The following TRPC4 variants were observed in gnomAD, a reference collection of about 807,000 sequenced individuals.
TRPC4 encodes the protein transient receptor potential cation channel subfamily C member 4.
Under a neutral mutation model 99.4 loss-of-function variants are expected in TRPC4, and 49 were observed. The ratio of observed to expected loss-of-function variants is 0.49; its 90% CI spans 0.39 to 0.63. The LOEUF is 0.63. Ranked by LOEUF, TRPC4 falls within the 20% of genes least tolerant of loss-of-function variation. TRPC4 has a pLI of 0.00. For synonymous variants in TRPC4, 454 were observed against 425.9 expected (o/e 1.07, Z -0.81); for missense variants, 898 against 1,152.9 (o/e 0.78, Z 3.20).
chr13:37,831,558 A>G (rs1958422175), intron 1 of TRPC4, among the ~76,000 whole-genome samples: 1 of 152,224 alleles, frequency 6.6e-6, no homozygotes, highest in Non-Finnish European at 1.5e-5. Flanking sequence ...TGAAATCAGT[A>G]TTTCAAGGAG....
chr13:37,722,036 C>A lies in TRPC4; in HGVS notation c.897+23901G>T, dbSNP rs190051643. On this transcript the variant is annotated intron_variant, in intron 3 of 10. Coordinates refer to ENST00000379705, the MANE Select transcript of TRPC4 (RefSeq NM_016179.4). The stretch of plus-strand genomic sequence containing the variant: ...ATTGTAGAAGATTATGGATTAACTT[C>A]TTTGATATAACAATTTCAGAAGGAG... Among the ~76,000 whole-genome samples, 278 of 152,224 alleles carry A rather than the reference C, an allele frequency of 1.8e-3. 2 individuals are homozygous for A. Among genetic ancestry groups the A allele is most frequent in the Non-Finnish European group, 2.8e-4 (19 of 68,012 alleles).
chr13:37,644,208 G>T (rs796953816), intron 8 of TRPC4, among the ~76,000 whole-genome samples: 1 of 151,890 alleles, frequency 6.6e-6, no homozygotes, highest in African/African-American at 2.4e-5. Context: ...CTTTTTTGTT[G>T]AGTAAAGATC....
chr13:37,844,097 G>A (rs538351358), intron 1 of TRPC4, among the ~76,000 whole-genome samples: 1 of 152,230 alleles, frequency 6.6e-6, no homozygotes, highest in Admixed American at 6.5e-5. Flanking sequence ...TCATCCCATG[G>A]GAAACATTGG....
chr13:37,801,596 C>T (rs1957402906), intron 1 of TRPC4, among the ~76,000 whole-genome samples: 1 of 151,986 alleles, frequency 6.6e-6, no homozygotes, highest in Non-Finnish European at 1.5e-5. Context: ...ATTAGTAATT[C>T]ATTCTGTCAT....
intron 2 of TRPC4, among the ~76,000 whole-genome samples, chr13:37,775,545 A>C (rs534383912): frequency 6.6e-6 from 1 of 151,688 alleles, no homozygotes; most frequent in South Asian, 2.1e-4. Flanking sequence ...TGATAAAGTC[A>C]AGGCTCAAAG....
rs565841516 is a variant in TRPC4 at position 37,646,352 on chromosome 13, G to T, written c.2079+4913C>A. ...AACATTTTTTATGATTTTATCAAAAGAACTAGTATTTTTTTTTGGTTCGGT... is the reference window on the plus strand; with the variant it reads ...AACATTTTTTATGATTTTATCAAAATAACTAGTATTTTTTTTTGGTTCGGT... On this transcript the variant is annotated intron_variant, in intron 8 of 10. Coordinates refer to ENST00000379705, the MANE Select transcript of TRPC4 (RefSeq NM_016179.4). Among the ~76,000 whole-genome samples, 6 of 152,114 alleles carry T rather than the reference G, an allele frequency of 3.9e-5. No homozygotes were observed. In the East Asian group the frequency reaches 7.7e-4, roughly 20 times the overall value.
At chr13:37,846,327 T>G (rs1958897416) in intron 1 of TRPC4, among the ~76,000 whole-genome samples, 1 of 152,162 alleles carries the variant, frequency 6.6e-6, no homozygotes, top group Admixed American at 6.5e-5. Context: ...CAACTTTATC[T>G]CTACTAGGAG....
chr13:37,824,273 C>A (rs1395606586), intron 1 of TRPC4, among the ~76,000 whole-genome samples: 1 of 146,692 alleles, frequency 6.8e-6, no homozygotes, highest in Non-Finnish European at 1.5e-5. Flanking sequence ...TTTCCTTCTC[C>A]TGCCTAATTG....
intron 1 of TRPC4, among the ~76,000 whole-genome samples, chr13:37,838,141 T>C (rs1273953882): frequency 6.6e-6 from 1 of 152,212 alleles, no homozygotes; most frequent in Non-Finnish European, 1.5e-5. Flanking sequence ...CTCAGATATG[T>C]CTTTACCAGC....
chr13:37,796,969 T>TAAAATAAAATAAAATAAAATAAAATA (rs1347943650), intron 1 of TRPC4, among the ~76,000 whole-genome samples: 3 of 120,700 alleles, frequency 2.5e-5, no homozygotes, highest in Non-Finnish European at 5.0e-5. Context: ...TAAAATAAAA[T>TAAAATAAAATAAAATAAAATAAAATA]AAAGTAAAGT....
chr13:37,859,434 G>T (rs1332181408), intron 1 of TRPC4, among the ~76,000 whole-genome samples: 1 of 151,230 alleles, frequency 6.6e-6, no homozygotes, highest in Middle Eastern at 3.2e-3. Context: ...ACACCATCTA[G>T]ACACATAATT....
intron 8 of TRPC4, among the ~76,000 whole-genome samples, chr13:37,645,076 A>G (rs1413617310): frequency 3.3e-5 from 5 of 151,918 alleles, no homozygotes; most frequent in Non-Finnish European, 7.4e-5. Flanking sequence ...TTTCTTCGCA[A>G]ACTACATCAG....
chr13:37,782,968 A>T lies in TRPC4; in HGVS notation c.366T>A (p.Ser122Arg), dbSNP rs370087745. ...TTTTTGCAGGTACCTGTTTTTCTCC[A>T]CTAGGTTTTTTGTGGTTCAATAACA... ...VELLLNHKKP[S>R]GEKQVPPILL... Residue 122 changes from serine (S) to arginine (R), a missense_variant, in exon 2 of 11, where the codon AGT (serine) becomes AGA (arginine). By Grantham distance (110) the Ser-to-Arg change is moderately radical. Transcript: ENST00000379705. The T allele has an allele frequency of 4.9e-5, 72 of 1,463,772 alleles. No individual in the cohort carries two copies. Among genetic ancestry groups the T allele is most frequent in the Non-Finnish European group, 5.9e-5 (65 of 1,099,600 alleles). The allele number at this position is 1,463,772 out of a possible 1,614,324, so 90.7% of individuals were successfully genotyped here. A position where few individuals can be genotyped will look rare whatever the true frequency, so the allele number is the denominator to read the frequency against.
At chr13:37,702,345 T>G (rs1954126932) in intron 3 of TRPC4, among the ~76,000 whole-genome samples, 1 of 152,202 alleles carries the variant, frequency 6.6e-6, no homozygotes, top group South Asian at 2.1e-4. Context: ...AGATACAATT[T>G]AAACCATAAC....
intron 5 of TRPC4, among the ~76,000 whole-genome samples, chr13:37,664,557 A>G (rs942728057): frequency 5.4e-5 from 8 of 148,708 alleles, no homozygotes; most frequent in Non-Finnish European, 1.2e-4. Context: ...CTGGGCAATA[A>G]GAGTGAAACT....
chr13:37,849,133 A>G (rs1366364608), intron 1 of TRPC4, among the ~76,000 whole-genome samples: 2 of 152,148 alleles, frequency 1.3e-5, no homozygotes, highest in Non-Finnish European at 2.9e-5. Context: ...GTATGCATCC[A>G]TGGAGGCTCA....
At chr13:37,842,182 A>C (rs1958749241) in intron 1 of TRPC4, among the ~76,000 whole-genome samples, 2 of 151,258 alleles carry the variant, frequency 1.3e-5, no homozygotes, top group South Asian at 4.2e-4. Flanking sequence ...ATGCAGGAGA[A>C]ATGCATGAAC....
At chr13:37,808,959 A>G (rs1463788501) in intron 1 of TRPC4, among the ~76,000 whole-genome samples, 2 of 152,080 alleles carry the variant, frequency 1.3e-5, no homozygotes, top group Non-Finnish European at 2.9e-5. Context: ...AAGACTCACA[A>G]AAGGATATCA....
intron 1 of TRPC4, among the ~76,000 whole-genome samples, chr13:37,856,606 G>C (rs769253380): frequency 6.6e-6 from 1 of 151,246 alleles, no homozygotes; most frequent in Non-Finnish European, 1.5e-5. Flanking sequence ...CAATATCTCT[G>C]ATGAATATTG....
Sources: gnomAD v4.1 joint callset for allele counts (sites outside exome capture counted in the v4.1 genomes callset) on GRCh38, gnomAD v4.1.1 for gene constraint, MANE v1.5 for transcripts, NCBI Gene and HGNC (gene_info 2026-07-23, HGNC 2026-07-21) for gene names.